PDIA4: variants seen among roughly 807,000 people sequenced by gnomAD.
PDIA4 encodes the protein protein disulfide isomerase family A member 4.
Under a neutral mutation model 62.1 loss-of-function variants are expected in PDIA4, and 33 were observed. That is an observed-to-expected ratio of 0.53 (90% CI 0.40 to 0.71). PDIA4 has a LOEUF of 0.71. PDIA4 is among the 30% of genes least tolerant of loss of function. PDIA4 has a pLI of 0.00. For synonymous variants in PDIA4, 341 were observed against 324.1 expected (o/e 1.05, Z -0.56); for missense variants, 804 against 813.6 (o/e 0.99, Z 0.14).
intron 4 of PDIA4, among the ~76,000 whole-genome samples, chr7:149,013,494 T>A (rs543470137): frequency 3.9e-5 from 6 of 152,002 alleles, no homozygotes; most frequent in Non-Finnish European, 8.8e-5. Flanking sequence ...CGGGGCAACA[T>A]AGCAAGACCT....
At chr7:149,005,015 G>T (rs1563118620) in intron 9 of PDIA4, 126 bp downstream of exon 9, 4 of 735,330 alleles carry the variant, frequency 5.4e-6, no homozygotes, top group Non-Finnish European at 9.7e-6. Context: ...GGTGAGAGAG[G>T]ACTGCTGGCT....
chr7:149,028,224 G>T, intron 1 of PDIA4, 97 bp downstream of exon 1: 1 of 874,452 alleles, frequency 1.1e-6, no homozygotes, highest in Non-Finnish European at 1.7e-6. Flanking sequence ...AGCTGACCGC[G>T]CGGAAGCCCG....
rs539634720 is a variant in PDIA4, at chr7:149,003,579, G to C, written c.*215C>G. On this transcript the variant is annotated 3_prime_UTR_variant, in exon 10 of 10. Coordinates refer to ENST00000652332, the MANE Select transcript of PDIA4 (RefSeq NM_004911.5). ...CAAACCCCAAATAATGATAAAAATAGATGTATCCTCTGTAAAAATCTGGAC... is the reference window on the plus strand; with the variant it reads ...CAAACCCCAAATAATGATAAAAATACATGTATCCTCTGTAAAAATCTGGAC... 1.0e-5 allele frequency: 4 copies of C among 397,204 alleles called. No homozygotes were observed. Among genetic ancestry groups the C allele is most frequent in the Non-Finnish European group, 1.8e-5 (4 of 227,492 alleles). 24.6% of individuals were successfully genotyped at this position (397,204 alleles called of 1,614,324 possible).
At chr7:149,028,116 G>C in intron 1 of PDIA4, 2 of 600,662 alleles carry the variant, frequency 3.3e-6, no homozygotes, top group Non-Finnish European at 6.0e-6. Flanking sequence ...TCCTCTCCCG[G>C]GAACCCCAAA....
Position 149,003,414 on chromosome 7 carries a change from A to G in PDIA4, c.*380T>C, listed in dbSNP as rs1823610767. 1 of 159,712 alleles carries G rather than the reference A, an allele frequency of 6.3e-6. No individual in the cohort carries two copies. Among genetic ancestry groups the G allele is most frequent in the Non-Finnish European group, 1.4e-5 (1 of 73,314 alleles). The allele number at this position is 159,712 out of a possible 1,614,324, so 9.9% of individuals were successfully genotyped here. A position where few individuals can be genotyped will look rare whatever the true frequency, so the allele number is the denominator to read the frequency against. On this transcript the variant is annotated 3_prime_UTR_variant, in exon 10 of 10. Coordinates refer to ENST00000652332, the MANE Select transcript of PDIA4 (RefSeq NM_004911.5). ...AATCTACGCCAACAATTTCTCAGAC[A>G]ACGAAAAAGCAAAGAGCAAAATCAA...
chr7:149,014,839 C>G, intron 4 of PDIA4, 65 bp downstream of exon 4: 1 of 1,516,170 alleles, frequency 6.6e-7, no homozygotes, highest in South Asian at 1.2e-5. Flanking sequence ...CGGGCAGGGG[C>G]CTGCCACCCC....
chr7:149,021,088 C>G lies in PDIA4; in HGVS notation c.148G>C (p.Asp50His), dbSNP rs565062029. ...DEEEEEEEDD[D>H]EEEDDLEVKE... Reference sequence around the variant, plus strand: ...ACTTCCAAGTCGTCTTCTTCCTCATCATCATCTTCCTCCTCCTCCTCCTCT... The same window carrying G: ...ACTTCCAAGTCGTCTTCTTCCTCATGATCATCTTCCTCCTCCTCCTCCTCT... Residue 50 changes from aspartate (D) to histidine (H), a missense_variant, in exon 2 of 10, where the codon GAT becomes CAT. Transcript: ENST00000652332. 17 of 1,612,936 alleles carry G rather than the reference C, an allele frequency of 1.1e-5. No individual in the cohort carries two copies. The highest frequency in any genetic ancestry group is 5.3e-5 in the African/African-American group (4 of 75,028).
chr7:149,008,122 G>T (rs1224468531), intron 7 of PDIA4, 37 bp downstream of exon 7: 2 of 1,597,202 alleles, frequency 1.3e-6, no homozygotes. Flanking sequence ...ATGCCTGCGG[G>T]GTGTCCAGGG....
At position 149,021,001 on chromosome 7, in the gene PDIA4, T is replaced by C. The variant is rs553265406; in HGVS notation, c.235A>G (p.Lys79Glu). The change falls in exon 2 of 10, where the codon AAA (lysine) becomes GAA (glutamate). Residue 79 changes from lysine to glutamate, a missense_variant. By Grantham distance (56) the Lys-to-Glu change is moderately conservative (BLOSUM62 1). Coordinates refer to ENST00000652332, the MANE Select transcript of PDIA4 (RefSeq NM_004911.5). Reference protein sequence around the residue: ...DANFDNFVADKDTVLLEFYAP... With the variant: ...DANFDNFVADEDTVLLEFYAP... ...TAAAACTCCAGCAGCACTGTGTCTTTGTCAGCCACAAAATTATCAAAGTTT... is the reference window on the plus strand; with the variant it reads ...TAAAACTCCAGCAGCACTGTGTCTTCGTCAGCCACAAAATTATCAAAGTTT... The C allele has an allele frequency of 9.3e-6, 15 of 1,614,190 alleles. No individual in the cohort carries two copies. In the East Asian group the frequency reaches 3.1e-4, roughly 34 times the overall value.
At chr7:149,027,709 C>T in intron 1 of PDIA4, 1 of 359,938 alleles carries the variant, frequency 2.8e-6, no homozygotes, top group South Asian at 2.0e-5. Flanking sequence ...ACAATCTTTT[C>T]CTCCCAGAAC....
Position 149,003,521 on chromosome 7 carries a change from TAAAG to T in PDIA4, c.*269_*272del, listed in dbSNP as rs781239680. On this transcript the variant is annotated 3_prime_UTR_variant, in exon 10 of 10. Transcript: ENST00000652332. ...CAGAAGAATTATCTGCTTTGAGAAATAAAGAAATTAGAAGGTGTAAAAAAAAATT... is the reference window on the plus strand; with the variant it reads ...CAGAAGAATTATCTGCTTTGAGAAATAAATTAGAAGGTGTAAAAAAAAATT... 47 of 328,670 alleles carry T rather than the reference TAAAG, an allele frequency of 1.4e-4. 1 individual carries two copies. The highest frequency in any genetic ancestry group is 8.1e-4 in the Middle Eastern group (1 of 1,236). The allele number at this position is 328,670 out of a possible 1,614,324, so 20.4% of individuals were successfully genotyped here. A position where few individuals can be genotyped will look rare whatever the true frequency, so the allele number is the denominator to read the frequency against.
chr7:149,021,551 C>T (rs983645428), intron 1 of PDIA4, among the ~76,000 whole-genome samples: 44 of 151,730 alleles, frequency 2.9e-4, no homozygotes, highest in Non-Finnish European at 6.2e-4. Flanking sequence ...TGTCAAGTCC[C>T]GGGTGGTCCC....
intron 1 of PDIA4, among the ~76,000 whole-genome samples, chr7:149,026,800 GAAAAAAAA>G (rs71529658): frequency 8.0e-6 from 1 of 125,466 alleles, no homozygotes; most frequent in Non-Finnish European, 1.7e-5. Context: ...CCTTATCTAG[GAAAAAAAA>G]AAAAAAAAAC....
chr7:149,009,928 T>C (rs765546895), intron 6 of PDIA4, among the ~76,000 whole-genome samples: 2 of 152,182 alleles, frequency 1.3e-5, no homozygotes, highest in Admixed American at 6.5e-5. Context: ...GATTTAAACA[T>C]TGGGTGTCAC....
At chr7:149,022,041 C>T (rs953720735) in intron 1 of PDIA4, among the ~76,000 whole-genome samples, 1 of 152,202 alleles carries the variant, frequency 6.6e-6, no homozygotes, top group African/African-American at 2.4e-5. Context: ...CTCCCATCAA[C>T]AAATTATCTG....
rs747844006 is a variant in PDIA4, at chr7:149,012,342, T to C, written c.633A>G (p.Lys211=). Residue 211 remains lysine (K), a synonymous_variant, in exon 5 of 10, where the codon AAA becomes AAG. Transcript: ENST00000652332. ...FYAPWCGHCK[K]LAPEYEKAAK... ...CGGCCTTCTCATACTCGGGGGCAAG[T>C]TTCTTGCAGTGTCCACACCTGCCAA... is the stretch of plus-strand genomic sequence containing the variant. The C allele has an allele frequency of 7.4e-6, 12 of 1,613,250 alleles. No individual in the cohort carries two copies. The South Asian group carries it at 1.1e-4, about 15-fold the overall frequency.
Position 149,018,999 on chromosome 7 carries a change from G to T in PDIA4, c.468C>A (p.Thr156=), listed in dbSNP as rs747073427. The T allele has an allele frequency of 6.2e-7, 1 of 1,611,008 alleles. No homozygotes were observed. The highest frequency in any genetic ancestry group is 2.2e-5 in the East Asian group (1 of 44,848). ...GCTCAGGTACCAGCTCACCTTCCTG[G>T]GTTCTGGAGCCCTCGTAGTCTACAG... The part of the protein sequence containing the change: ...GQAVDYEGSR[T]QEEIVAKVRE... Residue 156 remains threonine (T), a synonymous_variant, in exon 3 of 10, where the codon ACC becomes ACA. Transcript: ENST00000652332.
intron 7 of PDIA4, among the ~76,000 whole-genome samples, 195 bp downstream of exon 7, chr7:149,007,964 C>G (rs1333727796): frequency 6.6e-6 from 1 of 152,260 alleles, no homozygotes; most frequent in Non-Finnish European, 1.5e-5. Flanking sequence ...AGCCCCAGCC[C>G]TGTCCCTCCG....
chr7:149,003,805 C>T lies in PDIA4; in HGVS notation c.1927G>A (p.Glu643Lys), dbSNP rs762407937. 3.2e-6 allele frequency: 5 copies of T among 1,553,972 alleles called. No homozygotes were observed. The highest frequency in any genetic ancestry group is 4.3e-6 in the Non-Finnish European group (5 of 1,149,450). Residue 643 changes from glutamate (E) to lysine (K), a missense_variant, in exon 10 of 10, where the codon GAA (glutamate) becomes AAA (lysine). Coordinates refer to ENST00000652332, the MANE Select transcript of PDIA4 (RefSeq NM_004911.5). The part of the protein sequence containing the change: ...EHATKLSRTK[E>K]EL ...CAGACCTCAGGCCTTCAAAGCTCTT[C>T]CTTGGTCCTGCTCAGTTTTGTGGCA...
Sources: allele counts gnomAD v4.1 joint callset (sites outside exome capture counted in the v4.1 genomes callset), GRCh38; gene constraint gnomAD v4.1.1; transcripts MANE v1.5; gene names NCBI Gene and HGNC (gene_info 2026-07-23, HGNC 2026-07-21).